ATRNL1: variants seen among roughly 807,000 people sequenced by gnomAD.
ATRNL1 encodes the protein attractin-like protein 1.
In ATRNL1, 95 loss-of-function variants were observed where a neutral mutation model predicts 182.7. The ratio of observed to expected loss-of-function variants is 0.52; its 90% confidence interval spans 0.44 to 0.62. The LOEUF (loss-of-function observed/expected upper bound fraction) is 0.62. ATRNL1 is among the 20% of genes least tolerant of loss of function. ATRNL1 has a pLI of 0.00. For missense variants in ATRNL1, 1,471 were observed against 1,679.5 expected (o/e 0.88, Z 2.17); for synonymous variants, 576 against 568.3 (o/e 1.01, Z -0.19).
intron 27 of ATRNL1, among the ~76,000 whole-genome samples, chr10:115,832,803 A>T (rs1950587926): frequency 6.6e-6 from 1 of 152,034 alleles, no homozygotes; most frequent in African/African-American, 2.4e-5. Context: ...CCCCTTCTTG[A>T]TCCTGCATCT....
At chr10:115,146,770 A>G (rs1845990579) in intron 5 of ATRNL1, among the ~76,000 whole-genome samples, 1 of 149,014 alleles carries the variant, frequency 6.7e-6, no homozygotes, top group Non-Finnish European at 1.5e-5. Context: ...CTCCAGTTCC[A>G]TCCATGTTGC....
intron 21 of ATRNL1, among the ~76,000 whole-genome samples, chr10:115,447,134 T>C (rs191326255): frequency 0.01 from 1,581 of 151,928 alleles, 20 homozygotes; most frequent in Non-Finnish European, 0.013. Flanking sequence ...TTTTTTTAAG[T>C]TATGGAAATT....
intron 5 of ATRNL1, among the ~76,000 whole-genome samples, chr10:115,132,203 A>G (rs1554875392): frequency 6.6e-6 from 1 of 151,798 alleles, no homozygotes; most frequent in Non-Finnish European, 1.5e-5. Context: ...TCCTTGCGAT[A>G]GTTTGCTGAG....
At chr10:115,500,101 G>T (rs1849745196) in intron 24 of ATRNL1, among the ~76,000 whole-genome samples, 1 of 152,166 alleles carries the variant, frequency 6.6e-6, no homozygotes, top group Non-Finnish European at 1.5e-5. Flanking sequence ...ACAAACAAAG[G>T]AACAATCCTG....
At chr10:115,501,534 G>T (rs1055483478) in intron 24 of ATRNL1, among the ~76,000 whole-genome samples, 1 of 152,094 alleles carries the variant, frequency 6.6e-6, no homozygotes, top group Non-Finnish European at 1.5e-5. Flanking sequence ...CTTCAGTCAT[G>T]TACTGTTACA....
intron 27 of ATRNL1, among the ~76,000 whole-genome samples, chr10:115,826,385 T>C (rs1555091983): frequency 6.6e-6 from 1 of 152,006 alleles, no homozygotes; most frequent in African/African-American, 2.4e-5. Context: ...TTCTCTCCCA[T>C]TGTTCAGCAA....
chr10:115,579,259 G>GGAT (rs1555006403), intron 26 of ATRNL1, among the ~76,000 whole-genome samples: 1 of 151,622 alleles, frequency 6.6e-6, no homozygotes, highest in Non-Finnish European at 1.5e-5. Context: ...ATTTTCATCT[G>GGAT]GATGATCTAT....
At chr10:115,909,277 C>G (rs978836896) in intron 28 of ATRNL1, 1 of 152,116 alleles carries the variant, frequency 6.6e-6, no homozygotes, top group Non-Finnish European at 1.5e-5. Context: ...CCGCATATTC[C>G]TTAATCTCTG....
chr10:115,421,968 G>C (rs1336846295), intron 20 of ATRNL1, among the ~76,000 whole-genome samples: 1 of 152,096 alleles, frequency 6.6e-6, no homozygotes. Flanking sequence ...TTCAATAAAT[G>C]GTGCTGTAAT....
In ATRNL1 at chr10:115,779,074, C is replaced by T. The variant is rs184132415; in HGVS notation, c.3903+51719C>T. Among the ~76,000 whole-genome samples the T allele has an allele frequency of 1.8e-4, 28 of 152,234 alleles. 1 individual carries two copies. In the East Asian group the frequency reaches 5.4e-3, roughly 29 times the overall value. Reference sequence around the variant, plus strand: ...CCTAGAAACAGTATTCCTTTTGCTGCCTGCACCCAGGGCAGATTGCTCCCA... The same window carrying T: ...CCTAGAAACAGTATTCCTTTTGCTGTCTGCACCCAGGGCAGATTGCTCCCA... On this transcript the variant is annotated intron_variant, in intron 27 of 28. Coordinates refer to ENST00000355044, the MANE Select transcript of ATRNL1 (RefSeq NM_207303.4).
chr10:115,273,213 C>T (rs961041112), intron 13 of ATRNL1, among the ~76,000 whole-genome samples: 2 of 152,160 alleles, frequency 1.3e-5, no homozygotes, highest in African/African-American at 4.8e-5. Flanking sequence ...GCATAATCTC[C>T]ATCCCTGCCA....
chr10:115,272,000 C>T (rs1554913278), intron 13 of ATRNL1, among the ~76,000 whole-genome samples: 1 of 152,092 alleles, frequency 6.6e-6, no homozygotes, highest in Non-Finnish European at 1.5e-5. Flanking sequence ...GAGGTCTGGT[C>T]GTTTAAAAGT....
At chr10:115,618,749 G>C (rs1857566311) in intron 26 of ATRNL1, among the ~76,000 whole-genome samples, 1 of 151,848 alleles carries the variant, frequency 6.6e-6, no homozygotes, top group African/African-American at 2.4e-5. Context: ...TCTATTTATT[G>C]GGTAATTGTT....
At chr10:115,550,682 A>G (rs1852928681) in intron 26 of ATRNL1, among the ~76,000 whole-genome samples, 1 of 151,866 alleles carries the variant, frequency 6.6e-6, no homozygotes, top group African/African-American at 2.4e-5. Flanking sequence ...TTAAATATAA[A>G]TATATAACTA....
chr10:115,171,981 T>C (rs1215012724), intron 8 of ATRNL1, among the ~76,000 whole-genome samples: 1 of 152,104 alleles, frequency 6.6e-6, no homozygotes, highest in Non-Finnish European at 1.5e-5. Context: ...CTTTTCTGGC[T>C]CTGGCCAGTA....
chr10:115,785,885 C>T (rs868985149), intron 27 of ATRNL1, among the ~76,000 whole-genome samples: 3 of 152,146 alleles, frequency 2.0e-5, no homozygotes. Context: ...CATGTTTCAC[C>T]TTCCACACAA....
chr10:115,365,804 G>T (rs1409152948), intron 19 of ATRNL1, among the ~76,000 whole-genome samples: 6 of 152,246 alleles, frequency 3.9e-5, no homozygotes, highest in Non-Finnish European at 8.8e-5. Context: ...GGAGCAGGTT[G>T]TTCAGTTTCC....
chr10:115,645,593 A>G (rs971924016), intron 26 of ATRNL1, among the ~76,000 whole-genome samples: 1 of 151,732 alleles, frequency 6.6e-6, no homozygotes. Context: ...GAATTTTGTC[A>G]TTTAACCAAA....
At chr10:115,869,703 A>G (rs1195390623) in intron 28 of ATRNL1, among the ~76,000 whole-genome samples, 1 of 152,172 alleles carries the variant, frequency 6.6e-6, no homozygotes, top group Non-Finnish European at 1.5e-5. Flanking sequence ...CAAAAATCTT[A>G]CAACCCCGAG....
Sources: gnomAD v4.1 joint callset for allele counts (sites outside exome capture counted in the v4.1 genomes callset) on GRCh38, gnomAD v4.1.1 for gene constraint, MANE v1.5 for transcripts, NCBI Gene and HGNC (gene_info 2026-07-23, HGNC 2026-07-21) for gene names.